Variants in FAT4 observed in about 807,000 individuals in gnomAD.
The protein encoded by FAT4 is FAT atypical cadherin 4.
Under a neutral mutation model 303.9 loss-of-function variants are expected in FAT4, and 84 were observed. That is an observed-to-expected ratio of 0.28 (90% CI 0.23 to 0.33). The LOEUF is 0.33. Ranked by LOEUF, FAT4 falls within the 10% of genes least tolerant of loss-of-function variation. The pLI is 1.00. For synonymous variants in FAT4, 2,307 were observed against 2,298.8 expected, an observed-to-expected ratio of 1.00 and a Z score of -0.10; for missense variants, 6,005 against 6,146.8, an observed-to-expected ratio of 0.98 and a Z score of 0.77.
At chr4:125,355,894 T>G (rs1160310040) in intron 2 of FAT4, among the ~76,000 whole-genome samples, 1 of 151,398 alleles carries the variant, frequency 6.6e-6, no homozygotes, top group African/African-American at 2.5e-5. Context: ...TCCCCAGATA[T>G]TCTTACATTA....
chr4:125,424,798 T>A (rs1725031924), intron 7 of FAT4, among the ~76,000 whole-genome samples: 1 of 152,158 alleles, frequency 6.6e-6, no homozygotes, highest in Non-Finnish European at 1.5e-5. Flanking sequence ...TTAAATTAAC[T>A]GGCGAGAGAG....
At chr4:125,376,926 A>T (rs1380166653) in intron 2 of FAT4, among the ~76,000 whole-genome samples, 1 of 152,150 alleles carries the variant, frequency 6.6e-6, no homozygotes, top group African/African-American at 2.4e-5. Flanking sequence ...ACAAAATAGA[A>T]GAAATTGGTT....
intron 2 of FAT4, among the ~76,000 whole-genome samples, chr4:125,346,525 A>ATT (rs138037593): frequency 6.6e-6 from 1 of 151,588 alleles, no homozygotes; most frequent in Non-Finnish European, 1.5e-5. Context: ...AGAGCCTTGA[A>ATT]TTTTTTTTTG....
At chr4:125,422,878 G>T (rs973977555) in intron 7 of FAT4, among the ~76,000 whole-genome samples, 4 of 152,136 alleles carry the variant, frequency 2.6e-5, no homozygotes, top group Non-Finnish European at 4.4e-5. Flanking sequence ...AAATGCTGAG[G>T]TGTTATGGAA....
intron 10 of FAT4, among the ~76,000 whole-genome samples, chr4:125,459,050 T>A: frequency 6.6e-6 from 1 of 151,982 alleles, no homozygotes; most frequent in East Asian, 1.9e-4. Context: ...ACATAATCAA[T>A]TTAGACCTAA....
chr4:125,322,444 T>C (rs1442517635), intron 2 of FAT4, among the ~76,000 whole-genome samples: 3 of 152,190 alleles, frequency 2.0e-5, no homozygotes, highest in Non-Finnish European at 4.4e-5. Flanking sequence ...TTAATTGAAC[T>C]ACTTTCAATG....
At chr4:125,407,362 T>C (rs1451711741) in intron 4 of FAT4, among the ~76,000 whole-genome samples, 3 of 152,160 alleles carry the variant, frequency 2.0e-5, no homozygotes, top group East Asian at 1.9e-4. Flanking sequence ...TAGCCATTTA[T>C]GTGTCTGAAA....
rs374893583 is a variant in FAT4, at chr4:125,451,173, T to C, written c.10163T>C (p.Ile3388Thr). 1.2e-6 allele frequency: 2 copies of C among 1,614,112 alleles called. No homozygotes were observed. Among genetic ancestry groups the C allele is most frequent in the Non-Finnish European group, 1.7e-6 (2 of 1,180,014 alleles). Residue 3388 changes from isoleucine to threonine, a missense_variant, in exon 10 of 18, where the codon ATA becomes ACA. Physicochemically the swap from Ile to Thr is moderately conservative, Grantham distance 89 (BLOSUM62 -1). Coordinates refer to ENST00000394329, the MANE Select transcript of FAT4 (RefSeq NM_001291303.3). ...TTTGGCAGCATTAGAGGTGCAGATA[T>C]AGATGAGGTCACTGTAAATGTCACC... Reference protein sequence around the residue: ...KNFGSIRGADIDEVTVNVTVL... With the variant: ...KNFGSIRGADTDEVTVNVTVL...
intron 8 of FAT4, among the ~76,000 whole-genome samples, chr4:125,439,807 A>C (rs1725590586): frequency 6.6e-6 from 1 of 152,224 alleles, no homozygotes; most frequent in African/African-American, 2.4e-5. Flanking sequence ...GTATCTACAG[A>C]AATGCTCAGA....
intron 8 of FAT4, among the ~76,000 whole-genome samples, chr4:125,445,131 T>A (rs1003547963): frequency 2.0e-5 from 3 of 152,126 alleles, no homozygotes; most frequent in Non-Finnish European, 4.4e-5. Context: ...CACAAAGTAT[T>A]TTATCAATAC....
intron 10 of FAT4, among the ~76,000 whole-genome samples, chr4:125,462,611 A>G (rs1456413127): frequency 6.6e-6 from 1 of 152,022 alleles, no homozygotes; most frequent in African/African-American, 2.4e-5. Context: ...AGTGGGACTT[A>G]TACTCCAAGT....
At chr4:125,429,014 A>T (rs1423830761) in intron 7 of FAT4, among the ~76,000 whole-genome samples, 1 of 152,074 alleles carries the variant, frequency 6.6e-6, no homozygotes, top group East Asian at 1.9e-4. Context: ...TACCTATATA[A>T]TTCATCATTA....
intron 2 of FAT4, among the ~76,000 whole-genome samples, chr4:125,338,409 C>T (rs920616777): frequency 6.6e-6 from 1 of 152,140 alleles, no homozygotes; most frequent in Non-Finnish European, 1.5e-5. Context: ...CTTTGTACTA[C>T]CTTCCCATCC....
intron 16 of FAT4, among the ~76,000 whole-genome samples, chr4:125,485,539 G>A (rs1727377903): frequency 6.6e-6 from 1 of 152,104 alleles, no homozygotes; most frequent in South Asian, 2.1e-4. Flanking sequence ...TCTTGTCCCA[G>A]TGGAAGGTCT....
chr4:125,371,617 CAG>C (rs1733116779), intron 2 of FAT4, among the ~76,000 whole-genome samples: 1 of 151,728 alleles, frequency 6.6e-6, no homozygotes, highest in Non-Finnish European at 1.5e-5. Context: ...GACCTTGCCT[CAG>C]GGGCTGTGAA....
At chr4:125,458,946 G>A (rs1247068810) in intron 10 of FAT4, among the ~76,000 whole-genome samples, 1 of 151,940 alleles carries the variant, frequency 6.6e-6, no homozygotes, top group South Asian at 2.1e-4. Flanking sequence ...CTGTGCAAAA[G>A]ACAGCTACTT....
chr4:125,358,245 C>T (rs1324842635), intron 2 of FAT4, among the ~76,000 whole-genome samples: 1 of 152,062 alleles, frequency 6.6e-6, no homozygotes, highest in East Asian at 1.9e-4. Flanking sequence ...CGATCCCCAA[C>T]CTTTTTGGCA....
At chr4:125,452,958 T>C (rs1042625747) in intron 10 of FAT4, 148 bp downstream of exon 10, 1 of 1,013,486 alleles carries the variant, frequency 9.9e-7, no homozygotes, top group Non-Finnish European at 1.4e-6. Flanking sequence ...GGTCAAATAC[T>C]GTTCTAAGCA....
Position 125,316,255 on chromosome 4 carries a change from C to A in FAT4, c.-12-145C>A. 2.0e-6 allele frequency: 2 copies of A among 993,276 alleles called. No homozygotes were observed. Among genetic ancestry groups the A allele is most frequent in the Non-Finnish European group, 3.0e-6 (2 of 676,188 alleles). The allele number at this position is 993,276 out of a possible 1,614,324, so 61.5% of individuals were successfully genotyped here. A position where few individuals can be genotyped will look rare whatever the true frequency, so the allele number is the denominator to read the frequency against. ...TACCTAGAGTCTTTTGCTGATGCTA[C>A]TTGCTTTTGCCGGACTGGAGGTTCT... On this transcript the variant is annotated intron_variant, in intron 1 of 17. Transcript: ENST00000394329. This position sits in a 1 kb window ranked among gnomAD's most constrained non-coding sequence, Gnocchi z 5.7.
Sources: gnomAD v4.1 joint callset for allele counts (sites outside exome capture counted in the v4.1 genomes callset) on GRCh38, gnomAD v4.1.1 for gene constraint, Gnocchi (gnomAD v3.1) non-coding constraint, MANE v1.5 for transcripts, NCBI Gene and HGNC (gene_info 2026-07-23, HGNC 2026-07-21) for gene names.